Variants in PDE4D observed in about 807,000 individuals in gnomAD.
The protein encoded by PDE4D is phosphodiesterase 4D.
Under a neutral mutation model 87.4 loss-of-function variants are expected in PDE4D, and 24 were observed. The ratio of observed to expected loss-of-function variants is 0.27; its 90% CI spans 0.20 to 0.39. The LOEUF is 0.39. Ranked by LOEUF, PDE4D falls within the 10% of genes least tolerant of loss-of-function variation. The pLI, the probability that PDE4D is intolerant of heterozygous loss-of-function variation, is 1.00. For missense variants in PDE4D, 714 were observed against 1,041.0 expected (o/e 0.69, Z 4.32); for synonymous variants, 384 against 383.2 (o/e 1.00, Z -0.02).
chr5:60,096,027 C>T (rs1775644040), intron 2 of PDE4D, among the ~76,000 whole-genome samples: 1 of 152,048 alleles, frequency 6.6e-6, no homozygotes, highest in African/African-American at 2.4e-5. Context: ...CAAAAATTTT[C>T]TCCCATTCTG....
intron 1 of PDE4D, among the ~76,000 whole-genome samples, chr5:59,804,895 G>A (rs549227793): frequency 2.5e-4 from 38 of 152,220 alleles, no homozygotes; most frequent in African/African-American, 7.5e-4. Context: ...AGGTTCAAGC[G>A]ATTCTCCCAC....
chr5:59,477,968 A>C (rs1489679999), intron 1 of PDE4D, among the ~76,000 whole-genome samples: 4 of 152,078 alleles, frequency 2.6e-5, no homozygotes, highest in African/African-American at 9.7e-5. Context: ...ACACGCTCTC[A>C]CTTGTAAGTG....
intron 3 of PDE4D, among the ~76,000 whole-genome samples, chr5:59,909,928 C>G (rs1385495661): frequency 6.6e-6 from 1 of 152,158 alleles, no homozygotes; most frequent in African/African-American, 2.4e-5. Flanking sequence ...CTAAAGATGA[C>G]AAACGAATTC....
intron 1 of PDE4D, among the ~76,000 whole-genome samples, chr5:60,190,355 G>C (rs1483378043): frequency 6.6e-6 from 1 of 152,162 alleles, no homozygotes; most frequent in African/African-American, 2.4e-5. Context: ...TACATTGGTA[G>C]CAGAAACAAG....
At chr5:59,627,372 T>C (rs779069343) in intron 1 of PDE4D, among the ~76,000 whole-genome samples, 2 of 152,248 alleles carry the variant, frequency 1.3e-5, no homozygotes, top group Non-Finnish European at 2.9e-5. Context: ...TTAAAAATGT[T>C]CCAAATTCTA....
intron 1 of PDE4D, among the ~76,000 whole-genome samples, chr5:60,439,972 C>T (rs404202): frequency 0.39 from 58,333 of 151,424 alleles, 11,897 homozygotes; most frequent in South Asian, 0.59. Context: ...CTGAAAGTTC[C>T]AGTGACCTAT....
chr5:59,617,841 C>T (rs903017585), intron 1 of PDE4D, among the ~76,000 whole-genome samples: 4 of 152,170 alleles, frequency 2.6e-5, no homozygotes, highest in African/African-American at 9.6e-5. Flanking sequence ...AAAACTCATA[C>T]ACCACTCATT....
chr5:59,994,498 G>A (rs1763335454), intron 2 of PDE4D, among the ~76,000 whole-genome samples: 1 of 152,084 alleles, frequency 6.6e-6, no homozygotes, highest in African/African-American at 2.4e-5. Context: ...AGATGTCAGT[G>A]AGTGTTACAT....
Position 59,814,109 on chromosome 5 carries a change from C to T in PDE4D, c.455+79059G>A, listed in dbSNP as rs559339126. ...GATATGGTTGGTGACACTTTTTTTCCTCTGGGTCTCTTCCTTATTTTCCCC... is the reference window on the plus strand; with the variant it reads ...GATATGGTTGGTGACACTTTTTTTCTTCTGGGTCTCTTCCTTATTTTCCCC... On this transcript the variant is annotated intron_variant, in intron 1 of 14. Transcript: ENST00000340635. 1.2e-4 allele frequency among the ~76,000 whole-genome samples: 18 copies of T among 151,998 alleles called. 2 individuals carry two copies. The South Asian group carries it at 3.7e-3, about 32-fold the overall frequency.
At chr5:60,014,651 C>A (rs1765347886) in intron 2 of PDE4D, among the ~76,000 whole-genome samples, 1 of 152,138 alleles carries the variant, frequency 6.6e-6, no homozygotes, top group Admixed American at 6.5e-5. Context: ...CTTAAAGAGA[C>A]TTGGGGAAAT....
At chr5:59,044,140 C>T (rs1760223277) in intron 5 of PDE4D, among the ~76,000 whole-genome samples, 1 of 152,170 alleles carries the variant, frequency 6.6e-6, no homozygotes, top group Non-Finnish European at 1.5e-5. Context: ...CACTGTCTTC[C>T]ACAATGGTTG....
At chr5:60,200,393 T>C (rs1404321546) in intron 1 of PDE4D, among the ~76,000 whole-genome samples, 2 of 151,626 alleles carry the variant, frequency 1.3e-5, no homozygotes, top group East Asian at 3.8e-4. Context: ...AGTTCTGATA[T>C]ATAGCTCAAC....
intron 5 of PDE4D, among the ~76,000 whole-genome samples, chr5:59,155,840 A>G (rs1414952837): frequency 2.0e-5 from 3 of 152,168 alleles, no homozygotes; most frequent in African/African-American, 4.8e-5. Flanking sequence ...GGATGTCAGT[A>G]AGAGACCTAT....
At chr5:59,823,024 C>A (rs1041743599) in intron 1 of PDE4D, among the ~76,000 whole-genome samples, 2 of 152,230 alleles carry the variant, frequency 1.3e-5, no homozygotes, top group African/African-American at 4.8e-5. Flanking sequence ...GCCATCCTTA[C>A]AAATCAGTGT....
At position 60,108,232 on chromosome 5, in the gene PDE4D, C is replaced by T. The variant is rs554407705; in HGVS notation, c.42+77325G>A. Among the ~76,000 whole-genome samples the T allele has an allele frequency of 9.2e-5, 14 of 151,532 alleles. No individual in the cohort carries two copies. The East Asian group carries it at 2.5e-3, about 27-fold the overall frequency. On this transcript the variant is annotated intron_variant, in intron 2 of 16. Coordinates refer to the PDE4D transcript ENST00000502484. Reference sequence around the variant, plus strand: ...CAGCAACAACAGACAAACAGAGAGCCAAATCATGAGTGAACTCCCATTCAC... The same window carrying T: ...CAGCAACAACAGACAAACAGAGAGCTAAATCATGAGTGAACTCCCATTCAC...
At chr5:59,308,723 T>G (rs560936243) in intron 1 of PDE4D, among the ~76,000 whole-genome samples, 10 of 152,038 alleles carry the variant, frequency 6.6e-5, no homozygotes, top group African/African-American at 2.4e-4. Context: ...ATGCTCTATT[T>G]TTGTGCTGGC....
chr5:59,592,562 C>T lies in PDE4D; in HGVS notation c.455+300606G>A, dbSNP rs115347487. On this transcript the variant is annotated intron_variant, in intron 1 of 14. Transcript: ENST00000340635. Reference sequence around the variant, plus strand: ...ATATAAAAAGCCATTTTGGATCATACTCCTCAAGGTTAAATCTTCTAATCT... The same window carrying T: ...ATATAAAAAGCCATTTTGGATCATATTCCTCAAGGTTAAATCTTCTAATCT... Among the ~76,000 whole-genome samples, 1,452 of 152,194 alleles carry T rather than the reference C, an allele frequency of 9.5e-3. 15 individuals carry two copies. Among genetic ancestry groups the T allele is most frequent in the East Asian group, 0.042 (219 of 5,178 alleles).
At chr5:59,187,430 C>T (rs908829373) in intron 3 of PDE4D, among the ~76,000 whole-genome samples, 8 of 152,132 alleles carry the variant, frequency 5.3e-5, no homozygotes, top group East Asian at 1.9e-4. Context: ...TCTGAAAAGA[C>T]GCAATAGAAA....
At chr5:59,461,826 C>T (rs370930579) in intron 1 of PDE4D, among the ~76,000 whole-genome samples, 50 of 152,214 alleles carry the variant, frequency 3.3e-4, no homozygotes, top group African/African-American at 1.2e-3. Flanking sequence ...TCTAGTTGTC[C>T]TTTCCATAGG....
Sources: allele counts gnomAD v4.1 joint callset (sites outside exome capture counted in the v4.1 genomes callset), GRCh38; gene constraint gnomAD v4.1.1; transcripts MANE v1.5; gene names NCBI Gene and HGNC (gene_info 2026-07-23, HGNC 2026-07-21).